Variants in CARMIL3 observed in about 807,000 individuals in gnomAD.
CARMIL3 encodes capping protein, Arp2/3 and myosin-I linker protein 3.
Under a neutral mutation model 180.8 loss-of-function variants are expected in CARMIL3, and 88 were observed. The observed-to-expected ratio is 0.49, with a 90% CI of 0.41 to 0.58. CARMIL3 has a LOEUF of 0.58. Among genes scored for constraint, CARMIL3 ranks in the 20% least tolerant of loss-of-function variants. CARMIL3 has a pLI of 0.00. For missense variants in CARMIL3, 1,548 were observed against 1,787.0 expected, an observed-to-expected ratio of 0.87 and a Z score of 2.41; for synonymous variants, 696 against 714.5, an observed-to-expected ratio of 0.97 and a Z score of 0.41.
chr14:24,068,914 A>G lies in CARMIL3; in HGVS notation c.3930A>G (p.Lys1310=). 10 of 1,592,624 alleles carry G rather than the reference A, an allele frequency of 6.3e-6. No individual in the cohort carries two copies. Among genetic ancestry groups the G allele is most frequent in the Non-Finnish European group, 8.6e-6 (10 of 1,169,438 alleles). The change falls in exon 38 of 40, where the codon AAA becomes AAG. Residue 1310 remains lysine (K), a synonymous_variant. Coordinates refer to ENST00000342740, the MANE Select transcript of CARMIL3 (RefSeq NM_138360.4). ...EAGDAAPGVN[K]PRLRLSSQQD... ...GAGATGCAGCTCCAGGAGTCAACAA[A>G]CCCCGGCTGAGGCTGAGCTCACAGC...
chr14:24,055,902 A>G, intron 10 of CARMIL3, 113 bp downstream of exon 10: 3 of 1,033,618 alleles, frequency 2.9e-6, no homozygotes, highest in Non-Finnish European at 4.4e-6. Flanking sequence ...GCCTCTCTCT[A>G]CAGAAGAGGA....
In CARMIL3 at chr14:24,061,640, G is replaced by A. The variant is rs766804682; in HGVS notation, c.2448G>A (p.Glu816=). Residue 816 remains glutamate (E), a synonymous_variant, in exon 27 of 40, where the codon GAG becomes GAA. Coordinates refer to ENST00000342740, the MANE Select transcript of CARMIL3 (RefSeq NM_138360.4). This position sits in a 1 kb window ranked among gnomAD's most constrained non-coding sequence, Gnocchi z 4.1. The stretch of plus-strand genomic sequence containing the variant: ...ACTTCATCCGAGGGGCACTGCTGGA[G>A]CAAGCAGGACAGGACATTCAGAACA... The part of the protein sequence containing the change: ...PRNFIRGALL[E]QAGQDIQNKL... The A allele has an allele frequency of 1.2e-6, 2 of 1,613,934 alleles. No individual in the cohort carries two copies. Among genetic ancestry groups the A allele is most frequent in the South Asian group, 2.2e-5 (2 of 91,074 alleles).
Position 24,061,422 on chromosome 14 carries a change from A to G in CARMIL3, c.2305-75A>G, listed in dbSNP as rs1456034609. Reference sequence around the variant, plus strand: ...CTCAGCAGGAGGGGCTGGAATAGATAAAGTCTCTTCTGCTGTGGTGCCAGC... The same window carrying G: ...CTCAGCAGGAGGGGCTGGAATAGATGAAGTCTCTTCTGCTGTGGTGCCAGC... On this transcript the variant is annotated intron_variant, in intron 26 of 39. Coordinates refer to ENST00000342740, the MANE Select transcript of CARMIL3 (RefSeq NM_138360.4). This position sits in a 1 kb window ranked among gnomAD's most constrained non-coding sequence, Gnocchi z 4.1. The G allele has an allele frequency of 6.9e-7, 1 of 1,457,168 alleles. No homozygotes were observed. The highest frequency in any genetic ancestry group is 9.3e-7 in the Non-Finnish European group (1 of 1,072,240). The allele number at this position is 1,457,168 out of a possible 1,614,324, so 90.3% of individuals were successfully genotyped here.
intron 32 of CARMIL3, 51 bp from the exon 33 acceptor site, chr14:24,064,907 G>A (rs767645400): frequency 1.3e-6 from 2 of 1,577,058 alleles, no homozygotes; most frequent in African/African-American, 1.4e-5. Flanking sequence ...TCAGACCCAG[G>A]ATTGAGCTTG....
chr14:24,056,250 G>C (rs1476349053), intron 10 of CARMIL3, 49 bp from the exon 11 acceptor site: 2 of 1,495,902 alleles, frequency 1.3e-6, no homozygotes, highest in Non-Finnish European at 1.8e-6. Flanking sequence ...CCCAGAGGCT[G>C]GGACCTGGGG....
chr14:24,059,788 T>A lies in CARMIL3; in HGVS notation c.1868+56T>A, dbSNP rs2035713468. 1 of 1,585,446 alleles carries A rather than the reference T, an allele frequency of 6.3e-7. No homozygotes were observed. The highest frequency in any genetic ancestry group is 8.7e-7 in the Non-Finnish European group (1 of 1,155,168). ...AGTCCCCAGCCTCCCTGTGCCTGGA[T>A]CAGGCCTGAACTACTCTTGCCCCAC... On this transcript the variant is annotated intron_variant, in intron 22 of 39. Transcript: ENST00000342740. This position sits in a 1 kb window ranked among gnomAD's most constrained non-coding sequence, Gnocchi z 6.3.
rs777110873 is a variant in CARMIL3, at chr14:24,058,173, C to A, written c.1341C>A (p.Leu447=). ...LEALRALLQG[L]SLNSHLSDLH... is the part of the protein sequence containing the mutation. ...CCCACAGGGCGCTGCTTCAGGGCCTCTCCCTCAACAGTCACCTCAGTGACC... is the reference window on the plus strand; with the variant it reads ...CCCACAGGGCGCTGCTTCAGGGCCTATCCCTCAACAGTCACCTCAGTGACC... Residue 447 remains leucine (L), a synonymous_variant, in exon 17 of 40, where the codon CTC becomes CTA. Coordinates refer to ENST00000342740, the MANE Select transcript of CARMIL3 (RefSeq NM_138360.4). The surrounding 1 kb of genome is among the most constrained non-coding windows in gnomAD (Gnocchi z 6.4). The A allele has an allele frequency of 6.2e-7, 1 of 1,613,858 alleles. No homozygotes were observed. The highest frequency in any genetic ancestry group is 1.1e-5 in the South Asian group (1 of 91,082).
intron 11 of CARMIL3, 24 bp downstream of exon 11, chr14:24,056,417 TC>T: frequency 6.2e-7 from 1 of 1,604,598 alleles, no homozygotes; most frequent in Non-Finnish European, 8.5e-7. Context: ...CTGAATCCTG[TC>T]CCCATCCCAA....
chr14:24,058,095 C>T lies in CARMIL3; in HGVS notation c.1322+31C>T, dbSNP rs765691253. ...GTGGGTGCAGGGTTGGGGGCGCATC[C>T]AAGGGAACCACGGGGAGCGGGAAGA... On this transcript the variant is annotated intron_variant, in intron 16 of 39. Transcript: ENST00000342740. This position sits in a 1 kb window ranked among gnomAD's most constrained non-coding sequence, Gnocchi z 6.4. 26 of 1,613,774 alleles carry T rather than the reference C, an allele frequency of 1.6e-5. No homozygotes were observed. The highest frequency in any genetic ancestry group is 1.9e-5 in the Non-Finnish European group (23 of 1,179,966).
At chr14:24,053,872 G>A in intron 2 of CARMIL3, 69 bp downstream of exon 2, 1 of 1,388,680 alleles carries the variant, frequency 7.2e-7, no homozygotes, top group Non-Finnish European at 9.9e-7. Context: ...AGAGGGCAGG[G>A]AGCCGGGAGG....
intron 36 of CARMIL3, among the ~76,000 whole-genome samples, chr14:24,067,459 C>T (rs1373999406): frequency 1.3e-5 from 2 of 152,242 alleles, no homozygotes; most frequent in African/African-American, 4.8e-5. Context: ...CAGGCTAGGG[C>T]GTAAGGGCTG....
At chr14:24,062,642 C>T (rs2035743481) in intron 28 of CARMIL3, 67 bp from the exon 29 acceptor site, 16 of 1,613,000 alleles carry the variant, frequency 9.9e-6, no homozygotes, top group Middle Eastern at 1.6e-4. Context: ...CCTAATCACC[C>T]TCCCCTTCAA....
In CARMIL3 at chr14:24,057,870, G is replaced by C. The variant is rs1428235239; in HGVS notation, c.1208G>C (p.Cys403Ser). 3 of 1,612,778 alleles carry C rather than the reference G, an allele frequency of 1.9e-6. No homozygotes were observed. Among genetic ancestry groups the C allele is most frequent in the Non-Finnish European group, 2.5e-6 (3 of 1,179,942 alleles). Reference sequence around the variant, plus strand: ...TACCTCAACCTGGCTCGCAACAGCTGCTCCCACAGGTGGGAGAGGAGGGGG... The same window carrying C: ...TACCTCAACCTGGCTCGCAACAGCTCCTCCCACAGGTGGGAGAGGAGGGGG... ...LTYLNLARNS[C>S]SHRKGREAPP... The change falls in exon 15 of 40, where the codon TGC (cysteine) becomes TCC (serine). Residue 403 changes from cysteine to serine, a missense_variant. Transcript: ENST00000342740.
Position 24,064,181 on chromosome 14 carries a change from G to C in CARMIL3, c.2980-65G>C, listed in dbSNP as rs557827261. On this transcript the variant is annotated intron_variant, in intron 31 of 39. Transcript: ENST00000342740. ...GTCCAAGCCCAAAGGGGAATGCTCT[G>C]AGTGGATGGGAGGTGGGGCTTCCTG... is the stretch of plus-strand genomic sequence containing the variant. The C allele has an allele frequency of 4.7e-6, 5 of 1,072,198 alleles. No homozygotes were observed. The East Asian group carries it at 1.3e-4, about 27-fold the overall frequency. The allele number at this position is 1,072,198 out of a possible 1,614,324, so 66.4% of individuals were successfully genotyped here.
chr14:24,052,289 AC>A, intron 1 of CARMIL3, 96 bp downstream of exon 1: 1 of 1,234,702 alleles, frequency 8.1e-7, no homozygotes, highest in Non-Finnish European at 1.1e-6. Flanking sequence ...GGTGTCTCAC[AC>A]CCCTCACCCC....
At position 24,058,467 on chromosome 14, in the gene CARMIL3, G is replaced by A. The variant is rs2035697423; in HGVS notation, c.1393-213G>A. ...TACCAGACTTTTCCACCAGAGGGCAGGAGCAAGCTGTCTTAGGAATAGCAG... is the reference window on the plus strand; with the variant it reads ...TACCAGACTTTTCCACCAGAGGGCAAGAGCAAGCTGTCTTAGGAATAGCAG... On this transcript the variant is annotated intron_variant, in intron 17 of 39. Coordinates refer to ENST00000342740, the MANE Select transcript of CARMIL3 (RefSeq NM_138360.4). The surrounding 1 kb of genome is among the most constrained non-coding windows in gnomAD (Gnocchi z 6.4). Among the ~76,000 whole-genome samples, 1 of 152,180 alleles carries A rather than the reference G, an allele frequency of 6.6e-6. No individual in the cohort carries two copies. The highest frequency in any genetic ancestry group is 2.4e-5 in the African/African-American group (1 of 41,436).
In CARMIL3 at chr14:24,069,725, T is replaced by G; in HGVS notation, c.*321T>G. On this transcript the variant is annotated 3_prime_UTR_variant, in exon 40 of 40. Coordinates refer to ENST00000342740, the MANE Select transcript of CARMIL3 (RefSeq NM_138360.4). ...TCTTGTATAGAATAAAAAAACAAAA[T>G]CATCGCCTGCCTCGAGTCTCTGCTA... 1 of 357,214 alleles carries G rather than the reference T, an allele frequency of 2.8e-6. No homozygotes were observed. Among genetic ancestry groups the G allele is most frequent in the Non-Finnish European group, 5.1e-6 (1 of 196,090 alleles). The allele number at this position is 357,214 out of a possible 1,614,324, so 22.1% of individuals were successfully genotyped here.
At chr14:24,064,017 C>T (rs1009829089) in intron 31 of CARMIL3, among the ~76,000 whole-genome samples, 4 of 151,244 alleles carry the variant, frequency 2.6e-5, no homozygotes, top group Non-Finnish European at 4.4e-5. Context: ...CTGCGTGAAC[C>T]CAGGAGGCGG....
rs749926699 is a variant in CARMIL3, at chr14:24,068,956, C to T, written c.3972C>T (p.Pro1324=). ...RLSSQQDQEE[P]EVQGPPDPGR... ...GCTCACAGCAAGACCAAGAGGAGCC[C>T]GAAGTCCAAGGTCTGCCACCCTGGC... Residue 1324 remains proline (P), a synonymous_variant, in exon 38 of 40, where the codon CCC becomes CCT. Transcript: ENST00000342740. 2.6e-6 allele frequency: 4 copies of T among 1,560,342 alleles called. No individual in the cohort carries two copies. Among genetic ancestry groups the T allele is most frequent in the African/African-American group, 1.4e-5 (1 of 73,646 alleles).
Sources: allele counts gnomAD v4.1 joint callset (sites outside exome capture counted in the v4.1 genomes callset), GRCh38; gene constraint gnomAD v4.1.1; non-coding constraint Gnocchi (gnomAD v3.1); transcripts MANE v1.5; gene names NCBI Gene and HGNC (gene_info 2026-07-23, HGNC 2026-07-21).